The following UBE2E3 variants were observed in gnomAD, a reference collection of about 807,000 sequenced individuals.
UBE2E3 encodes ubiquitin-conjugating enzyme E2 E3.
UBE2E3 carries 5 observed loss-of-function variants against 23.6 expected under a neutral mutation model. The ratio of observed to expected loss-of-function variants is 0.21; its 90% CI spans 0.11 to 0.44. The LOEUF (loss-of-function observed/expected upper bound fraction) is 0.44, where lower values mean the gene tolerates loss of function less well. Ranked by LOEUF, UBE2E3 falls within the 20% of genes least tolerant of loss-of-function variation. The probability of loss-of-function intolerance (pLI) is 0.99; values close to 1 mark genes in which losing one functional copy is unlikely to be tolerated. For missense variants in UBE2E3, 81 were observed against 249.8 expected (o/e 0.32, Z 4.55); for synonymous variants, 78 against 87.5 (o/e 0.89, Z 0.60).
At position 181,052,948 on chromosome 2, in the gene UBE2E3, G is replaced by A. The variant is rs72885270; in HGVS notation, c.246-4745G>A. Among the ~76,000 whole-genome samples the A allele has an allele frequency of 4.9e-3, 744 of 151,808 alleles. 6 individuals carry two copies. Among genetic ancestry groups the A allele is most frequent in the Non-Finnish European group, 8.0e-3 (546 of 67,846 alleles). On this transcript the variant is annotated intron_variant, in intron 3 of 5. Coordinates refer to ENST00000410062, the MANE Select transcript of UBE2E3 (RefSeq NM_006357.4). ...TCTGGCTGATTGGTGGGCTTTCCAT[G>A]TGCCTCTCTGTGCACAGGACACCTC...
intron 5 of UBE2E3, 136 bp downstream of exon 5, chr2:181,060,948 C>T (rs1687135938): frequency 1.1e-6 from 1 of 920,284 alleles, no homozygotes; most frequent in African/African-American, 2.0e-5. Context: ...CCCCATAAAA[C>T]AGTTTGTGAG....
At chr2:180,989,254 TTGTC>T (rs1262063518) in intron 3 of UBE2E3, among the ~76,000 whole-genome samples, 1 of 152,162 alleles carries the variant, frequency 6.6e-6, no homozygotes, top group Admixed American at 6.5e-5. Context: ...ATTATAATAT[TTGTC>T]TGCTTTCTGC....
intron 3 of UBE2E3, among the ~76,000 whole-genome samples, chr2:181,034,591 G>A (rs1299990236): frequency 6.6e-6 from 1 of 152,130 alleles, no homozygotes; most frequent in Non-Finnish European, 1.5e-5. Context: ...ACAAGTTAAT[G>A]GGTGCAGCAC....
chr2:181,028,282 G>A (rs1177356595), intron 3 of UBE2E3, among the ~76,000 whole-genome samples: 1 of 151,920 alleles, frequency 6.6e-6, no homozygotes, highest in Non-Finnish European at 1.5e-5. Context: ...TTTATTACGT[G>A]GATATACTTG....
intron 3 of UBE2E3, among the ~76,000 whole-genome samples, chr2:181,034,618 T>C (rs1027154864): frequency 6.6e-6 from 1 of 152,176 alleles, no homozygotes; most frequent in East Asian, 1.9e-4. Flanking sequence ...ATGGCACATG[T>C]ATACATATGT....
At chr2:180,984,943 A>T (rs565609475) in intron 3 of UBE2E3, among the ~76,000 whole-genome samples, 30 of 152,250 alleles carry the variant, frequency 2.0e-4, no homozygotes, top group African/African-American at 7.2e-4. Context: ...TGTGCTCAAT[A>T]ATGCGAGTGG....
intron 3 of UBE2E3, among the ~76,000 whole-genome samples, chr2:181,013,996 G>T (rs6721173): frequency 0.041 from 6,293 of 152,260 alleles, 189 homozygotes; most frequent in African/African-American, 0.076. Flanking sequence ...GGATTTGATG[G>T]TAGTGGAAGT....
chr2:181,039,496 TGTG>T (rs1041960347), intron 3 of UBE2E3, among the ~76,000 whole-genome samples: 19 of 151,924 alleles, frequency 1.3e-4, no homozygotes, highest in African/African-American at 4.1e-4. Context: ...CAGGGACTGG[TGTG>T]GTGGCTCACG....
At chr2:180,989,086 A>G (rs1348599936) in intron 3 of UBE2E3, among the ~76,000 whole-genome samples, 1 of 152,144 alleles carries the variant, frequency 6.6e-6, no homozygotes, top group Non-Finnish European at 1.5e-5. Flanking sequence ...TCATTTTGGC[A>G]TCAGCATAAA....
At position 181,019,857 on chromosome 2, in the gene UBE2E3, A is replaced by G. The variant is rs1685618514; in HGVS notation, c.245+35764A>G. ...TTTTTCTTTTTTTTGTGGTGAGAAC[A>G]TTTAAGATCTACTTTCTCAGCAAAT... On this transcript the variant is annotated intron_variant, in intron 3 of 5. Transcript: ENST00000410062. Among the ~76,000 whole-genome samples the G allele has an allele frequency of 1.3e-5, 2 of 152,094 alleles. 1 individual carries two copies. The highest frequency in any genetic ancestry group is 4.2e-4 in the South Asian group (2 of 4,814).
intron 3 of UBE2E3, among the ~76,000 whole-genome samples, chr2:180,994,784 T>G (rs1684776033): frequency 6.6e-6 from 1 of 152,140 alleles, no homozygotes; most frequent in Admixed American, 6.5e-5. Context: ...AGGAAAATAT[T>G]AAGAATCCAC....
chr2:181,017,776 C>G (rs1685542610), intron 3 of UBE2E3, among the ~76,000 whole-genome samples: 1 of 147,092 alleles, frequency 6.8e-6, no homozygotes, highest in South Asian at 2.2e-4. Context: ...ATGCTTTGGA[C>G]TTACCTTGTC....
intron 3 of UBE2E3, among the ~76,000 whole-genome samples, chr2:181,004,430 C>T (rs892905200): frequency 3.3e-5 from 5 of 152,008 alleles, no homozygotes; most frequent in African/African-American, 9.7e-5. Context: ...GTCAAGAGAT[C>T]GGGACCATCC....
intron 3 of UBE2E3, among the ~76,000 whole-genome samples, chr2:181,055,750 G>T (rs1574224705): frequency 6.6e-6 from 1 of 151,766 alleles, no homozygotes; most frequent in East Asian, 1.9e-4. Flanking sequence ...TGGGAAGAGA[G>T]CACATTTAAG....
chr2:181,053,547 C>CT (rs1168126399), intron 3 of UBE2E3, among the ~76,000 whole-genome samples: 2 of 151,568 alleles, frequency 1.3e-5, no homozygotes, highest in Non-Finnish European at 3.0e-5. Flanking sequence ...AAATTAATAG[C>CT]TTTTTCTGGG....
At chr2:181,030,709 A>G (rs879541895) in intron 3 of UBE2E3, among the ~76,000 whole-genome samples, 2 of 151,478 alleles carry the variant, frequency 1.3e-5, no homozygotes, top group Non-Finnish European at 3.0e-5. Context: ...ATTTGGGATA[A>G]GGTGGGGAAA....
At chr2:181,011,185 A>T (rs1156323785) in intron 3 of UBE2E3, among the ~76,000 whole-genome samples, 11 of 152,008 alleles carry the variant, frequency 7.2e-5, no homozygotes, top group Admixed American at 6.6e-4. Context: ...AATGCCTGAG[A>T]CAGTAATTTA....
intron 3 of UBE2E3, among the ~76,000 whole-genome samples, chr2:181,015,263 T>C (rs972692673): frequency 1.3e-5 from 2 of 152,184 alleles, no homozygotes; most frequent in Admixed American, 1.3e-4. Context: ...CCCAATATTT[T>C]AAGCCTACAT....
At chr2:181,041,025 G>A (rs1175111957) in intron 3 of UBE2E3, among the ~76,000 whole-genome samples, 3 of 151,916 alleles carry the variant, frequency 2.0e-5, no homozygotes, top group Admixed American at 6.6e-5. Flanking sequence ...CCAGGCGGGC[G>A]AATCACGAGG....
Sources: allele counts gnomAD v4.1 joint callset (sites outside exome capture counted in the v4.1 genomes callset), GRCh38; gene constraint gnomAD v4.1.1; transcripts MANE v1.5; gene names NCBI Gene and HGNC (gene_info 2026-07-23, HGNC 2026-07-21).